The following POF1B variants were observed in gnomAD, a reference collection of about 807,000 sequenced individuals.
POF1B encodes POF1B actin binding protein, also known as protein POF1B.
Under a neutral mutation model 55.3 loss-of-function variants are expected in POF1B, and 53 were observed. That is an observed-to-expected ratio of 0.96 (90% CI 0.77 to 1.20). POF1B has a LOEUF of 1.20. Ranked by LOEUF, POF1B falls within the 50% of genes most tolerant of loss-of-function variation. The pLI is 0.00. For synonymous variants in POF1B, 188 were observed against 148.3 expected, an observed-to-expected ratio of 1.27 and a Z score of -1.95; for missense variants, 478 against 420.5, an observed-to-expected ratio of 1.14 and a Z score of -1.20.
intron 15 of POF1B, among the ~76,000 whole-genome samples, chrX:85,289,191 A>G (rs1364238847): frequency 9.0e-6 from 1 of 111,661 alleles, no homozygotes; most frequent in Non-Finnish European, 1.9e-5. Flanking sequence ...AGGCGCATGC[A>G]GAACAGAAAG....
intron 2 of POF1B, among the ~76,000 whole-genome samples, chrX:85,369,715 C>T (rs1933787832): frequency 8.9e-6 from 1 of 111,763 alleles, no homozygotes; most frequent in Non-Finnish European, 1.9e-5. Context: ...CAATGAGCAT[C>T]CTTGTGCAAC....
At chrX:85,371,041 G>C (rs1219088713) in intron 2 of POF1B, among the ~76,000 whole-genome samples, 5 of 111,563 alleles carry the variant, frequency 4.5e-5, no homozygotes, top group African/African-American at 1.6e-4. Flanking sequence ...TGGGGTGGTG[G>C]TGGTTATCAT....
intron 7 of POF1B, among the ~76,000 whole-genome samples, chrX:85,328,081 T>C (rs1317717448): frequency 9.0e-6 from 1 of 111,200 alleles, no homozygotes; most frequent in East Asian, 2.8e-4. Flanking sequence ...GCGTGGAGTA[T>C]ATCTCTATTC....
At chrX:85,298,993 G>T (rs1234765364) in intron 15 of POF1B, among the ~76,000 whole-genome samples, 1 of 108,528 alleles carries the variant, frequency 9.2e-6, no homozygotes, top group Non-Finnish European at 1.9e-5. Flanking sequence ...TGCCATAAAA[G>T]AAAAAGGAAA....
At chrX:85,322,312 T>G (rs1186506893) in intron 7 of POF1B, among the ~76,000 whole-genome samples, 3 of 111,050 alleles carry the variant, frequency 2.7e-5, no homozygotes, top group Non-Finnish European at 5.7e-5. Flanking sequence ...TATCTGATCT[T>G]TGACAAACCT....
At chrX:85,280,905 C>A (rs2147886606) in intron 16 of POF1B, among the ~76,000 whole-genome samples, 1 of 110,857 alleles carries the variant, frequency 9.0e-6, no homozygotes, top group Admixed American at 9.6e-5. Flanking sequence ...CTGGATAATT[C>A]TTTGTTATGG....
At chrX:85,297,751 C>T (rs1932339294) in intron 15 of POF1B, among the ~76,000 whole-genome samples, 1 of 111,716 alleles carries the variant, frequency 9.0e-6, no homozygotes, top group Admixed American at 9.5e-5. Context: ...TGATCACTGG[C>T]ACTGCATCCA....
At chrX:85,292,179 A>G (rs1932205033) in intron 15 of POF1B, among the ~76,000 whole-genome samples, 2 of 111,841 alleles carry the variant, frequency 1.8e-5, no homozygotes, top group Admixed American at 1.9e-4. Flanking sequence ...CCTTTTCTGC[A>G]TCTATTGAGA....
At chrX:85,281,123 A>T (rs1037169464) in intron 16 of POF1B, among the ~76,000 whole-genome samples, 4 of 110,674 alleles carry the variant, frequency 3.6e-5, no homozygotes, top group Non-Finnish European at 7.6e-5. Context: ...TTCCCCACCA[A>T]TGATGGGTTG....
intron 9 of POF1B, 130 bp downstream of exon 9, chrX:85,314,302 A>G (rs1029138974): frequency 2.3e-5 from 11 of 484,245 alleles, no homozygotes; most frequent in Non-Finnish European, 3.2e-5. Flanking sequence ...TCCCTTGTCT[A>G]ACCAAAGAAT....
chrX:85,379,256 C>T lies in POF1B; in HGVS notation c.199G>A (p.Asp67Asn). ...AGCACTTCCCGTGAGTTGAAGGGGT[C>T]CAAGGCCTGCACCACCTTGTTCATG... is the stretch of plus-strand genomic sequence containing the variant. ...GPMNKVVQAL[D>N]PFNSREVLSP... The change falls in exon 2 of 17, where the codon GAC becomes AAC. Residue 67 changes from aspartate (D) to asparagine (N), a missense_variant. By Grantham distance (23) the Asp-to-Asn change is conservative. Transcript: ENST00000262753. 8.3e-7 allele frequency: 1 copy of T among 1,210,377 alleles called. No homozygotes were observed. The highest frequency in any genetic ancestry group is 1.1e-6 in the Non-Finnish European group (1 of 895,037).
chrX:85,328,529 C>G (rs1194898393), intron 7 of POF1B, among the ~76,000 whole-genome samples: 1 of 111,000 alleles, frequency 9.0e-6, no homozygotes, highest in Non-Finnish European at 1.9e-5. Flanking sequence ...TATTACACAT[C>G]TAGTGTTGAA....
chrX:85,348,717 C>T (rs1193278187), intron 5 of POF1B, among the ~76,000 whole-genome samples: 1 of 111,279 alleles, frequency 9.0e-6, no homozygotes, highest in African/African-American at 3.3e-5. Context: ...ATAAAGTGGG[C>T]ATAAACAAGT....
chrX:85,361,519 T>C (rs1316173554), intron 3 of POF1B, among the ~76,000 whole-genome samples: 1 of 111,331 alleles, frequency 9.0e-6, no homozygotes, highest in Non-Finnish European at 1.9e-5. Context: ...CTGATAGTTG[T>C]AGGTGTGCGG....
At chrX:85,368,246 C>T (rs1015122133) in intron 2 of POF1B, among the ~76,000 whole-genome samples, 1 of 110,971 alleles carries the variant, frequency 9.0e-6, no homozygotes, top group Non-Finnish European at 1.9e-5. Context: ...GAACAGTGTA[C>T]ATTGTACTCA....
chrX:85,284,369 A>C (rs187226997), intron 15 of POF1B, among the ~76,000 whole-genome samples: 3 of 111,658 alleles, frequency 2.7e-5, no homozygotes, highest in East Asian at 2.8e-4. Context: ...GCCAAAAGAA[A>C]AAAGCCGGAG....
intron 7 of POF1B, among the ~76,000 whole-genome samples, chrX:85,320,110 A>G (rs144835466): frequency 1.8e-5 from 2 of 111,237 alleles, no homozygotes; most frequent in African/African-American, 3.3e-5. Flanking sequence ...CAGAAGTTGT[A>G]TGTTTTCAGA....
chrX:85,349,553 AT>A (rs1362699961), intron 5 of POF1B, among the ~76,000 whole-genome samples: 1 of 110,974 alleles, frequency 9.0e-6, no homozygotes, highest in Non-Finnish European at 1.9e-5. Context: ...TGGTGTCCTT[AT>A]AAAAATGCAA....
chrX:85,320,443 T>A (rs1184814340), intron 7 of POF1B, among the ~76,000 whole-genome samples: 2 of 107,905 alleles, frequency 1.9e-5, no homozygotes, highest in African/African-American at 6.8e-5. Context: ...TTGAAAACAG[T>A]GTGTAGAGGG....
Sources: allele counts gnomAD v4.1 joint callset (sites outside exome capture counted in the v4.1 genomes callset), GRCh38; gene constraint gnomAD v4.1.1; transcripts MANE v1.5; gene names NCBI Gene and HGNC (gene_info 2026-07-23, HGNC 2026-07-21).